SMAD4: variants seen among roughly 807,000 people sequenced by gnomAD.
SMAD4 encodes the protein SMAD family member 4.
SMAD4 carries 7 observed loss-of-function variants against 63.2 expected under a neutral mutation model. The observed-to-expected ratio is 0.11, with a 90% CI of 0.06 to 0.21. SMAD4 has a LOEUF of 0.21. SMAD4 is among the 10% of genes least tolerant of loss of function. The pLI, the probability that SMAD4 is intolerant of heterozygous loss-of-function variation, is 1.00. For synonymous variants in SMAD4, 215 were observed against 235.4 expected (o/e 0.91, Z 0.79); for missense variants, 312 against 693.8 (o/e 0.45, Z 6.18).
rs751371048 is a variant in SMAD4 at position 51,042,287 on chromosome 18, GCCTCCCTCCCTCCTTCCCTC to G, written c.-127-4619_-127-4600del. Among the ~76,000 whole-genome samples the G allele has an allele frequency of 7.9e-4, 107 of 135,306 alleles. 1 individual carries two copies. Among genetic ancestry groups the G allele is most frequent in the African/African-American group, 1.7e-3 (56 of 33,748 alleles). The allele number at this position is 135,306 out of a possible 152,430, so 88.8% of individuals were successfully genotyped here. A position where few individuals can be genotyped will look rare whatever the true frequency, so the allele number is the denominator to read the frequency against. On this transcript the variant is annotated intron_variant, in intron 1 of 11. Transcript: ENST00000342988. ...TAATTCATTTTTTTCTTGCCTGCCT[GCCTCCCTCCCTCCTTCCCTC>G]CCTCCCTCCCTCCCTCCCTCCCTCT...
rs1910529705 is a variant in SMAD4 at position 51,078,494 on chromosome 18, C to T, written c.*27C>T. The T allele has an allele frequency of 6.7e-7, 1 of 1,484,706 alleles. No individual in the cohort carries two copies. 92.0% of individuals were successfully genotyped at this position (1,484,706 alleles called of 1,614,324 possible). On this transcript the variant is annotated 3_prime_UTR_variant, in exon 12 of 12. Coordinates refer to ENST00000342988, the MANE Select transcript of SMAD4 (RefSeq NM_005359.6). ...GTCTTTTACCGTTGGGGCCCTTAACCTTATCAGGATGGTGGACTACAAAAT... is the reference window on the plus strand; with the variant it reads ...GTCTTTTACCGTTGGGGCCCTTAACTTTATCAGGATGGTGGACTACAAAAT...
In SMAD4 at chr18:51,080,587, G is replaced by A. The variant is rs753317438; in HGVS notation, c.*2120G>A. ...TATGGAGTCTTGCTGTGTTGCCCAGGCAGGAGTGCAGTGGTATGATCTCAG... is the reference window on the plus strand; with the variant it reads ...TATGGAGTCTTGCTGTGTTGCCCAGACAGGAGTGCAGTGGTATGATCTCAG... On this transcript the variant is annotated 3_prime_UTR_variant, in exon 12 of 12. Transcript: ENST00000342988. The A allele has an allele frequency of 2.7e-5, 5 of 186,252 alleles. No individual in the cohort carries two copies. Among genetic ancestry groups the A allele is most frequent in the Non-Finnish European group, 5.7e-5 (5 of 88,160 alleles). 11.5% of individuals were successfully genotyped at this position (186,252 alleles called of 1,614,324 possible).
At chr18:51,030,871 A>G (rs1394235899) in intron 1 of SMAD4, among the ~76,000 whole-genome samples, 1 of 151,592 alleles carries the variant, frequency 6.6e-6, no homozygotes, top group African/African-American at 2.4e-5. Flanking sequence ...GGGAGAATCA[A>G]GTTAAACTCG....
intron 7 of SMAD4, 52 bp from the exon 8 acceptor site, chr18:51,059,814 A>T (rs948589): frequency 7.3e-7 from 1 of 1,375,368 alleles, no homozygotes. Flanking sequence ...AAGTTTTAGC[A>T]TTAGACAACT....
At chr18:51,055,345 T>C (rs564509385) in intron 5 of SMAD4, among the ~76,000 whole-genome samples, 3 of 152,230 alleles carry the variant, frequency 2.0e-5, no homozygotes, top group African/African-American at 2.4e-5. Context: ...TTGCAACCTT[T>C]CTTTTAATGC....
At position 51,047,133 on chromosome 18, in the gene SMAD4, T is replaced by C; in HGVS notation, c.87T>C (p.Gly29=). The change falls in exon 2 of 12, where the codon GGT becomes GGC. Residue 29 remains glycine (G), a synonymous_variant. Coordinates refer to ENST00000342988, the MANE Select transcript of SMAD4 (RefSeq NM_005359.6). The part of the protein sequence containing the change: ...IVHSLMCHRQ[G]GESETFAKRA... ...ATAGTTTGATGTGCCATAGACAAGG[T>C]GGAGAGAGTGAAACATTTGCAAAAA... 6.2e-7 allele frequency: 1 copy of C among 1,613,976 alleles called. No individual in the cohort carries two copies. Among genetic ancestry groups the C allele is most frequent in the South Asian group, 1.1e-5 (1 of 91,076 alleles).
intron 1 of SMAD4, among the ~76,000 whole-genome samples, chr18:51,035,690 C>T (rs1235466702): frequency 6.6e-6 from 1 of 152,150 alleles, no homozygotes; most frequent in African/African-American, 2.4e-5. Flanking sequence ...CACTGTGAGA[C>T]ATTTGCTCAG....
At chr18:51,046,874 C>A in intron 1 of SMAD4, 46 bp from the exon 2 acceptor site, 1 of 611,024 alleles carries the variant, frequency 1.6e-6, no homozygotes, top group South Asian at 2.1e-5. Context: ...AGATCTACTT[C>A]GTAAAATGTG....
In SMAD4 at chr18:51,084,399, C is replaced by A. The variant is rs1451783910; in HGVS notation, c.*5932C>A. 1 of 221,660 alleles carries A rather than the reference C, an allele frequency of 4.5e-6. No homozygotes were observed. Among genetic ancestry groups the A allele is most frequent in the African/African-American group, 2.3e-5 (1 of 44,426 alleles). The allele number at this position is 221,660 out of a possible 1,614,324, so 13.7% of individuals were successfully genotyped here. On this transcript the variant is annotated 3_prime_UTR_variant, in exon 12 of 12. Coordinates refer to ENST00000342988, the MANE Select transcript of SMAD4 (RefSeq NM_005359.6). ...TTTTAGGTCCATTTTGATTAAGTGACTTTTGGCTGGATCATTCAGAGCTCT... is the reference window on the plus strand; with the variant it reads ...TTTTAGGTCCATTTTGATTAAGTGAATTTTGGCTGGATCATTCAGAGCTCT...
chr18:51,054,924 C>G lies in SMAD4; in HGVS notation c.598C>G (p.Leu200Val), dbSNP rs1477349147. 1.2e-6 allele frequency: 2 copies of G among 1,614,192 alleles called. No individual in the cohort carries two copies. Among genetic ancestry groups the G allele is most frequent in the South Asian group, 2.2e-5 (2 of 91,088 alleles). The part of the protein sequence containing the change: ...ASTETYSTPA[L>V]LAPSESNATS... ...GACAGAGACATACAGCACCCCAGCT[C>G]TGTTAGCCCCATCTGAGTCTAATGC... Residue 200 changes from leucine (L) to valine (V), a missense_variant, in exon 5 of 12, where the codon CTG becomes GTG. By Grantham distance (32) the Leu-to-Val change is conservative. Coordinates refer to ENST00000342988, the MANE Select transcript of SMAD4 (RefSeq NM_005359.6).
At chr18:51,061,646 G>T (rs1158006672) in intron 8 of SMAD4, among the ~76,000 whole-genome samples, 1 of 152,114 alleles carries the variant, frequency 6.6e-6, no homozygotes, top group Non-Finnish European at 1.5e-5. Flanking sequence ...CTCAGTTTCA[G>T]CCATTATCAA....
chr18:51,045,396 C>G (rs949174713), intron 1 of SMAD4, among the ~76,000 whole-genome samples: 13 of 152,096 alleles, frequency 8.5e-5, no homozygotes, highest in African/African-American at 3.1e-4. Flanking sequence ...AAAATACAAA[C>G]AAGCACACAA....
In SMAD4 at chr18:51,079,383, A is replaced by G. The variant is rs1010312541; in HGVS notation, c.*916A>G. ...GTCTCACTGTTCTGCAAAGGTGGCA[A>G]TGCTTAAACTAAATAATGAATAAAC... On this transcript the variant is annotated 3_prime_UTR_variant, in exon 12 of 12. Coordinates refer to ENST00000342988, the MANE Select transcript of SMAD4 (RefSeq NM_005359.6). 1.7e-5 allele frequency: 4 copies of G among 233,344 alleles called. No homozygotes were observed. Among genetic ancestry groups the G allele is most frequent in the East Asian group, 1.2e-4 (2 of 16,504 alleles). 14.5% of individuals were successfully genotyped at this position (233,344 alleles called of 1,614,324 possible). A position where few individuals can be genotyped will look rare whatever the true frequency, so the allele number is the denominator to read the frequency against.
chr18:51,040,557 C>CT (rs1909345830), intron 1 of SMAD4, among the ~76,000 whole-genome samples: 1 of 151,822 alleles, frequency 6.6e-6, no homozygotes. Context: ...CAAAAGTAAA[C>CT]TAACATCTGA....
intron 1 of SMAD4, among the ~76,000 whole-genome samples, chr18:51,041,255 T>C (rs1909371842): frequency 6.6e-6 from 1 of 152,238 alleles, no homozygotes; most frequent in Non-Finnish European, 1.5e-5. Flanking sequence ...CTCTTATCCG[T>C]CTCTGCTTTT....
intron 4 of SMAD4, 81 bp downstream of exon 4, chr18:51,049,405 G>T: frequency 1.0e-6 from 1 of 998,908 alleles, no homozygotes; most frequent in Admixed American, 1.7e-5. Context: ...ATTAGTTTGT[G>T]TGAGCGGCAG....
intron 10 of SMAD4, among the ~76,000 whole-genome samples, chr18:51,073,388 T>TATATATAAC (rs1417299090): frequency 1.6e-5 from 1 of 64,186 alleles, no homozygotes; most frequent in Non-Finnish European, 2.7e-5. Context: ...TATATATATA[T>TATATATAAC]ACACACACAC....
At chr18:51,058,830 T>G (rs998542884) in intron 7 of SMAD4, among the ~76,000 whole-genome samples, 1 of 152,216 alleles carries the variant, frequency 6.6e-6, no homozygotes, top group Non-Finnish European at 1.5e-5. Context: ...CAGCGTAGTA[T>G]TCAGTGTACT....
chr18:51,055,067 G>GAGTTTCCCCCCAAGT, intron 5 of SMAD4, 74 bp downstream of exon 5: 1 of 1,091,820 alleles, frequency 9.2e-7, no homozygotes. Context: ...TAGTCACTTG[G>GAGTTTCCCCCCAAGT]GGGGAAACTC....
Sources: gnomAD v4.1 joint callset for allele counts (sites outside exome capture counted in the v4.1 genomes callset) on GRCh38, gnomAD v4.1.1 for gene constraint, MANE v1.5 for transcripts, NCBI Gene and HGNC (gene_info 2026-07-23, HGNC 2026-07-21) for gene names.